The following EDIL3 variants were observed in gnomAD, a reference collection of about 807,000 sequenced individuals.
The protein encoded by EDIL3 is EGF-like repeat and discoidin I-like domain-containing protein 3.
In EDIL3, 37 loss-of-function variants were observed where a neutral mutation model predicts 67.4. That is an observed-to-expected ratio of 0.55 (90% confidence interval 0.42 to 0.72). The LOEUF (loss-of-function observed/expected upper bound fraction) is 0.72. EDIL3 is among the 30% of genes least tolerant of loss of function. The pLI is 0.00. For missense variants in EDIL3, 527 were observed against 586.3 expected (o/e 0.90, Z 1.04); for synonymous variants, 195 against 196.3 (o/e 0.99, Z 0.05).
chr5:84,308,557 A>G (rs186243591), intron 1 of EDIL3, among the ~76,000 whole-genome samples: 3 of 152,318 alleles, frequency 2.0e-5, no homozygotes, highest in East Asian at 1.9e-4. Flanking sequence ...AGTTAATTCA[A>G]TTTCATTTGG....
chr5:84,301,255 C>A lies in EDIL3; in HGVS notation c.68-47043G>T, dbSNP rs181605559. 1.4e-3 allele frequency among the ~76,000 whole-genome samples: 190 copies of A among 134,202 alleles called. 1 individual carries two copies. Among genetic ancestry groups the A allele is most frequent in the Non-Finnish European group, 2.2e-3 (139 of 64,198 alleles). The allele number at this position is 134,202 out of a possible 152,430, so 88.0% of individuals were successfully genotyped here. On this transcript the variant is annotated intron_variant, in intron 1 of 10. Coordinates refer to ENST00000296591, the MANE Select transcript of EDIL3 (RefSeq NM_005711.5). ...TGCACTCCAGCCTGGGCAACAAGAG[C>A]GAAATTCTGTCTCAAAAAAAAAAGA...
At chr5:84,143,353 A>AAG (rs1748238552) in intron 4 of EDIL3, among the ~76,000 whole-genome samples, 2 of 152,094 alleles carry the variant, frequency 1.3e-5, no homozygotes, top group Admixed American at 1.3e-4. Flanking sequence ...AGAACGTATC[A>AAG]CACACAAACC....
chr5:84,264,376 T>C (rs1335186096), intron 1 of EDIL3, among the ~76,000 whole-genome samples: 1 of 152,144 alleles, frequency 6.6e-6, no homozygotes, highest in African/African-American at 2.4e-5. Flanking sequence ...AAATAGAAGG[T>C]TGTTGCCTGG....
At chr5:84,217,130 C>A in intron 3 of EDIL3, among the ~76,000 whole-genome samples, 3 of 99,814 alleles carry the variant, frequency 3.0e-5, no homozygotes, top group Non-Finnish European at 2.0e-5. Context: ...GGAGTAAATC[C>A]AAGGACAGCC....
chr5:84,020,449 C>T lies in EDIL3; in HGVS notation c.1137+39851G>A, dbSNP rs146554439. On this transcript the variant is annotated intron_variant, in intron 9 of 10. Coordinates refer to ENST00000296591, the MANE Select transcript of EDIL3 (RefSeq NM_005711.5). ...CTAAATGGCAGCTGTTGAGATGAGTCCAGAGAGGGTTACATTCAGATTTCT... is the reference window on the plus strand; with the variant it reads ...CTAAATGGCAGCTGTTGAGATGAGTTCAGAGAGGGTTACATTCAGATTTCT... Among the ~76,000 whole-genome samples, 322 of 152,078 alleles carry T rather than the reference C, an allele frequency of 2.1e-3. 3 individuals carry two copies. Among genetic ancestry groups the T allele is most frequent in the African/African-American group, 7.4e-3 (309 of 41,522 alleles).
intron 3 of EDIL3, among the ~76,000 whole-genome samples, chr5:84,203,192 G>T (rs1743882790): frequency 6.6e-6 from 1 of 152,136 alleles, no homozygotes; most frequent in African/African-American, 2.4e-5. Flanking sequence ...CTTCCAAATA[G>T]ATAACTTGAG....
intron 1 of EDIL3, among the ~76,000 whole-genome samples, chr5:84,383,994 G>A (rs1195004395): frequency 6.6e-6 from 1 of 152,138 alleles, no homozygotes; most frequent in Non-Finnish European, 1.5e-5. Context: ...GGTTTGCGCC[G>A]AGACCCAGTG....
chr5:84,249,859 C>T (rs992277808), intron 2 of EDIL3, among the ~76,000 whole-genome samples: 7 of 151,934 alleles, frequency 4.6e-5, no homozygotes, highest in African/African-American at 1.7e-4. Flanking sequence ...CTTTGGGAGC[C>T]AAGGTGGGTG....
At chr5:84,345,319 T>C (rs750171615) in intron 1 of EDIL3, among the ~76,000 whole-genome samples, 3 of 152,152 alleles carry the variant, frequency 2.0e-5, no homozygotes, top group African/African-American at 4.8e-5. Flanking sequence ...CAAAGAAAGA[T>C]GGAAAATTGC....
intron 4 of EDIL3, among the ~76,000 whole-genome samples, chr5:84,160,780 C>T (rs1426650878): frequency 6.8e-5 from 4 of 58,426 alleles, no homozygotes; most frequent in Non-Finnish European, 1.1e-4. Context: ...CTTTCCTTTC[C>T]TTTCCTTTCC....
intron 1 of EDIL3, among the ~76,000 whole-genome samples, chr5:84,321,535 C>T (rs954714278): frequency 7.2e-5 from 11 of 152,114 alleles, no homozygotes; most frequent in African/African-American, 1.2e-4. Context: ...GGTAACGCAT[C>T]GATGGTAAAT....
chr5:84,096,087 G>C (rs1228041130), intron 6 of EDIL3, among the ~76,000 whole-genome samples: 1 of 152,228 alleles, frequency 6.6e-6, no homozygotes, highest in East Asian at 1.9e-4. Context: ...CCAGGCAGAA[G>C]TTTGCTGCAG....
intron 9 of EDIL3, among the ~76,000 whole-genome samples, chr5:84,027,874 C>T (rs964088783): frequency 3.3e-5 from 5 of 151,962 alleles, no homozygotes; most frequent in African/African-American, 1.2e-4. Context: ...TGCCCCTGAC[C>T]CTTGGGCCTC....
At chr5:84,160,268 A>G (rs191925051) in intron 4 of EDIL3, among the ~76,000 whole-genome samples, 8 of 152,106 alleles carry the variant, frequency 5.3e-5, no homozygotes, top group Non-Finnish European at 8.8e-5. Flanking sequence ...TTTTCTTTCC[A>G]CTTCTCAGGG....
At chr5:84,228,230 A>G (rs1744491619) in intron 3 of EDIL3, among the ~76,000 whole-genome samples, 2 of 152,114 alleles carry the variant, frequency 1.3e-5, no homozygotes, top group African/African-American at 4.8e-5. Flanking sequence ...CAGGAAGAGA[A>G]CTAAGAGACT....
At chr5:84,154,726 G>A (rs1359142251) in intron 4 of EDIL3, among the ~76,000 whole-genome samples, 1 of 126,182 alleles carries the variant, frequency 7.9e-6, no homozygotes, top group Non-Finnish European at 1.6e-5. Context: ...TAAAGACAGA[G>A]TCTCCCTCTG....
At chr5:84,242,218 C>A (rs1026474628) in intron 2 of EDIL3, among the ~76,000 whole-genome samples, 7 of 150,798 alleles carry the variant, frequency 4.6e-5, no homozygotes, top group Non-Finnish European at 8.8e-5. Context: ...CGCGGCAGAG[C>A]GAGACTCTGT....
chr5:84,325,828 T>C (rs754154646), intron 1 of EDIL3, among the ~76,000 whole-genome samples: 27 of 152,102 alleles, frequency 1.8e-4, no homozygotes, highest in Non-Finnish European at 3.7e-4. Context: ...AAGTCTAATG[T>C]ATGCTAAAAT....
At chr5:84,218,800 G>C (rs865786952) in intron 3 of EDIL3, among the ~76,000 whole-genome samples, 6 of 152,328 alleles carry the variant, frequency 3.9e-5, no homozygotes, top group Middle Eastern at 6.8e-3. Context: ...GCCTGGGGCA[G>C]TGGTGGCCAT....
Sources: gnomAD v4.1 joint callset for allele counts (sites outside exome capture counted in the v4.1 genomes callset) on GRCh38, gnomAD v4.1.1 for gene constraint, MANE v1.5 for transcripts, NCBI Gene and HGNC (gene_info 2026-07-23, HGNC 2026-07-21) for gene names.